The following SORCS2 variants were observed in gnomAD, a reference collection of about 807,000 sequenced individuals.
SORCS2 encodes the protein VPS10 domain-containing receptor SorCS2.
A neutral mutation model predicts 141.6 loss-of-function variants in SORCS2; 100 were observed. The ratio of observed to expected loss-of-function variants is 0.71; its 90% CI spans 0.60 to 0.83. The LOEUF is 0.83. SORCS2 is among the 40% of genes least tolerant of loss of function. SORCS2 has a pLI of 0.00. For synonymous variants in SORCS2, 789 were observed against 676.9 expected, an observed-to-expected ratio of 1.17 and a Z score of -2.57; for missense variants, 1,646 against 1,560.2, an observed-to-expected ratio of 1.05 and a Z score of -0.93.
intron 1 of SORCS2, among the ~76,000 whole-genome samples, chr4:7,325,891 CGGGCG>C (rs997856385): frequency 9.2e-5 from 14 of 152,028 alleles, no homozygotes; most frequent in African/African-American, 3.1e-4. Flanking sequence ...CATGCACTGG[CGGGCG>C]GGGCGGAGTT....
intron 3 of SORCS2, among the ~76,000 whole-genome samples, chr4:7,593,718 G>A (rs1717070367): frequency 1.3e-5 from 2 of 152,338 alleles, no homozygotes; most frequent in Admixed American, 1.3e-4. Flanking sequence ...GGCAGTTACA[G>A]GCAGGGGTGC....
At chr4:7,537,077 G>A (rs1367073755) in intron 3 of SORCS2, among the ~76,000 whole-genome samples, 1 of 152,220 alleles carries the variant, frequency 6.6e-6, no homozygotes, top group East Asian at 1.9e-4. Context: ...AGCTGATGGG[G>A]CTCCCTGTGT....
At chr4:7,371,734 G>A (rs1466126321) in intron 1 of SORCS2, among the ~76,000 whole-genome samples, 2 of 152,196 alleles carry the variant, frequency 1.3e-5, no homozygotes, top group Admixed American at 6.5e-5. Context: ...CGGGAGCCAC[G>A]TGGAGGCGGG....
intron 4 of SORCS2, among the ~76,000 whole-genome samples, chr4:7,640,140 CAT>C (rs1461616625): frequency 2.7e-5 from 4 of 150,528 alleles, no homozygotes; most frequent in Non-Finnish European, 4.4e-5. Flanking sequence ...TGTGAGTGTA[CAT>C]GAGTGTGTGG....
At chr4:7,570,443 C>G (rs1213977332) in intron 3 of SORCS2, among the ~76,000 whole-genome samples, 1 of 152,258 alleles carries the variant, frequency 6.6e-6, no homozygotes, top group Non-Finnish European at 1.5e-5. Flanking sequence ...TCGCTGGGTG[C>G]TCTGCCCTGC....
intron 10 of SORCS2, among the ~76,000 whole-genome samples, chr4:7,684,586 C>T (rs925750597): frequency 1.3e-5 from 2 of 152,190 alleles, no homozygotes; most frequent in African/African-American, 4.8e-5. Flanking sequence ...ACCCTGGGGA[C>T]ACCTGAAACC....
At chr4:7,571,873 G>C (rs931492416) in intron 3 of SORCS2, among the ~76,000 whole-genome samples, 1 of 152,182 alleles carries the variant, frequency 6.6e-6, no homozygotes, top group African/African-American at 2.4e-5. Flanking sequence ...CCTGGGACTT[G>C]TCGACCCCCC....
chr4:7,373,264 A>T (rs1044630597), intron 1 of SORCS2, among the ~76,000 whole-genome samples: 1 of 150,810 alleles, frequency 6.6e-6, no homozygotes, highest in Non-Finnish European at 1.5e-5. Flanking sequence ...TCTAAATTTT[A>T]GTCATTCTAA....
chr4:7,525,027 C>T (rs773261865), intron 2 of SORCS2, among the ~76,000 whole-genome samples: 1 of 152,242 alleles, frequency 6.6e-6, no homozygotes, highest in Non-Finnish European at 1.5e-5. Flanking sequence ...TCGGACACAG[C>T]GCGGGGAGAG....
chr4:7,526,326 T>C (rs1308547686), intron 2 of SORCS2, among the ~76,000 whole-genome samples: 1 of 152,224 alleles, frequency 6.6e-6, no homozygotes, highest in Non-Finnish European at 1.5e-5. Context: ...AATGTTCTAG[T>C]GGCCACATTA....
rs1244815616 is a variant in SORCS2 at position 7,193,278 on chromosome 4, C to G, written c.480+152C>G. On this transcript the variant is annotated intron_variant, in intron 1 of 26. Coordinates refer to ENST00000507866, the MANE Select transcript of SORCS2 (RefSeq NM_020777.3). This position sits in a 1 kb window ranked among gnomAD's most constrained non-coding sequence, Gnocchi z 4.8. ...GGCACTTGGGTCACCTCGGCCGCGC[C>G]CCTACTGGCCTCTGGTCACTGGTTA... Among the ~76,000 whole-genome samples the G allele has an allele frequency of 6.6e-6, 1 of 152,198 alleles. No homozygotes were observed. The highest frequency in any genetic ancestry group is 2.4e-5 in the African/African-American group (1 of 41,454).
chr4:7,288,203 G>A (rs1005970817), intron 1 of SORCS2, among the ~76,000 whole-genome samples: 1 of 152,174 alleles, frequency 6.6e-6, no homozygotes, highest in Non-Finnish European at 1.5e-5. Context: ...ATGTCCTCAG[G>A]ATGAGCACCT....
rs1721842466 is a variant in SORCS2 at position 7,657,391 on chromosome 4, A to G, written c.887+3184A>G. Among the ~76,000 whole-genome samples, 10 of 93,808 alleles carry G rather than the reference A, an allele frequency of 1.1e-4. No individual in the cohort carries two copies. In the Admixed American group the frequency reaches 1.1e-3, roughly 10 times the overall value. 61.5% of individuals were successfully genotyped at this position (93,808 alleles called of 152,430 possible). On this transcript the variant is annotated intron_variant, in intron 5 of 26. Coordinates refer to ENST00000507866, the MANE Select transcript of SORCS2 (RefSeq NM_020777.3). Reference sequence around the variant, plus strand: ...AACTGAGTGAGTAAATGGATGAGTAAATAACTGAGTGTGTGATTGAGTGAG... The same window carrying G: ...AACTGAGTGAGTAAATGGATGAGTAGATAACTGAGTGTGTGATTGAGTGAG...
At chr4:7,725,042 T>C (rs1047568175) in intron 19 of SORCS2, 112 bp from the exon 20 acceptor site, 7 of 1,144,798 alleles carry the variant, frequency 6.1e-6, no homozygotes, top group Non-Finnish European at 8.7e-6. Flanking sequence ...ATAGTGGTAG[T>C]GGTGGTGGTG....
At chr4:7,682,941 T>A in intron 10 of SORCS2, 52 bp downstream of exon 10, 2 of 1,577,196 alleles carry the variant, frequency 1.3e-6, no homozygotes, top group African/African-American at 1.4e-5. Flanking sequence ...ATGCTAGATA[T>A]AACTTCAGTA....
chr4:7,571,731 G>A (rs775966467), intron 3 of SORCS2, among the ~76,000 whole-genome samples: 1 of 152,174 alleles, frequency 6.6e-6, no homozygotes, highest in Non-Finnish European at 1.5e-5. Context: ...AAGGGGCCAA[G>A]GCCAGCAGCT....
At chr4:7,327,409 C>T (rs1719335565) in intron 1 of SORCS2, among the ~76,000 whole-genome samples, 1 of 152,218 alleles carries the variant, frequency 6.6e-6, no homozygotes, top group African/African-American at 2.4e-5. Flanking sequence ...CTCCGCTCCT[C>T]TCTTGTCTAA....
intron 3 of SORCS2, among the ~76,000 whole-genome samples, chr4:7,606,442 G>T (rs1057039486): frequency 6.6e-6 from 1 of 152,020 alleles, no homozygotes; most frequent in Non-Finnish European, 1.5e-5. Flanking sequence ...TTCTCGTTCC[G>T]ACTCCTTGTC....
At chr4:7,599,063 C>A (rs765434012) in intron 3 of SORCS2, among the ~76,000 whole-genome samples, 13 of 152,132 alleles carry the variant, frequency 8.5e-5, no homozygotes, top group Middle Eastern at 3.2e-3. Context: ...CTGAGTGGAG[C>A]CTTGTTGAGA....
Sources: allele counts gnomAD v4.1 joint callset (sites outside exome capture counted in the v4.1 genomes callset), GRCh38; gene constraint gnomAD v4.1.1; non-coding constraint Gnocchi (gnomAD v3.1); transcripts MANE v1.5; gene names NCBI Gene and HGNC (gene_info 2026-07-23, HGNC 2026-07-21).